The following CNBD2 variants were observed in gnomAD, a reference collection of about 807,000 sequenced individuals.
CNBD2 encodes the protein cyclic nucleotide-binding domain-containing protein 2.
Under a neutral mutation model 63.7 loss-of-function variants are expected in CNBD2, and 64 were observed. The ratio of observed to expected loss-of-function variants is 1.00; its 90% CI spans 0.82 to 1.24. CNBD2 has a LOEUF of 1.24. Ranked by LOEUF, CNBD2 falls within the 50% of genes most tolerant of loss-of-function variation. The pLI, the probability that CNBD2 is intolerant of heterozygous loss-of-function variation, is 0.00. For missense variants in CNBD2, 691 were observed against 713.5 expected, an observed-to-expected ratio of 0.97 and a Z score of 0.36; for synonymous variants, 229 against 255.4, an observed-to-expected ratio of 0.90 and a Z score of 0.99.
At chr20:36,013,504 TA>T (rs1454849689) in intron 10 of CNBD2, among the ~76,000 whole-genome samples, 2 of 152,196 alleles carry the variant, frequency 1.3e-5, no homozygotes, top group African/African-American at 4.8e-5. Flanking sequence ...CTAACCATTA[TA>T]AATGTATGAA....
chr20:35,995,648 A>AT (rs556041361), intron 8 of CNBD2, among the ~76,000 whole-genome samples: 9 of 151,682 alleles, frequency 5.9e-5, no homozygotes, highest in South Asian at 2.1e-4. Flanking sequence ...CATATACCAC[A>AT]TTTTTTTTGT....
intron 8 of CNBD2, among the ~76,000 whole-genome samples, chr20:36,001,663 T>G (rs1383457069): frequency 8.2e-5 from 9 of 109,204 alleles, no homozygotes; most frequent in East Asian, 2.9e-4. Context: ...AGGCGGAGGG[T>G]CTCCTCACTT....
At chr20:36,005,614 G>A (rs2056973347) in intron 8 of CNBD2, among the ~76,000 whole-genome samples, 1 of 152,048 alleles carries the variant, frequency 6.6e-6, no homozygotes. Context: ...GTTTTGTTAA[G>A]CCAGACCTAC....
At chr20:35,993,209 A>T (rs192368448) in intron 7 of CNBD2, among the ~76,000 whole-genome samples, 119 of 152,298 alleles carry the variant, frequency 7.8e-4, no homozygotes, top group Middle Eastern at 3.4e-3. Context: ...AGCTTCATAA[A>T]TTTTTATATA....
intron 10 of CNBD2, among the ~76,000 whole-genome samples, chr20:36,021,190 T>A (rs1362313149): frequency 6.6e-6 from 1 of 152,084 alleles, no homozygotes; most frequent in Non-Finnish European, 1.5e-5. Flanking sequence ...ATAAGGAAAA[T>A]GTGGGACATA....
chr20:36,004,332 A>C (rs1262863415), intron 8 of CNBD2, among the ~76,000 whole-genome samples: 3 of 152,118 alleles, frequency 2.0e-5, no homozygotes, highest in African/African-American at 7.2e-5. Context: ...TTCTGTCTCT[A>C]TGCAGCTCTC....
At position 35,968,646 on chromosome 20, in the gene CNBD2, C is replaced by A. The variant is rs2056368572; in HGVS notation, c.-117C>A. 1.4e-6 allele frequency: 1 copy of A among 705,372 alleles called. No homozygotes were observed. The highest frequency in any genetic ancestry group is 2.5e-6 in the Non-Finnish European group (1 of 407,696). 43.7% of individuals were successfully genotyped at this position (705,372 alleles called of 1,614,324 possible). On this transcript the variant is annotated 5_prime_UTR_variant, in exon 1 of 12. An upstream open reading frame in the 5' UTR gains an earlier in-frame stop. Coordinates refer to ENST00000373973, the MANE Select transcript of CNBD2 (RefSeq NM_001365709.1). ...TAGGAGGAGTGGAGTGGAGCTCTTG[C>A]CTTGTTACTGAGGAAATCTATTTGT...
chr20:35,959,063 A>G (rs1041356970), downstream of CNBD2: 1 of 152,212 alleles, frequency 6.6e-6, no homozygotes, highest in Non-Finnish European at 1.5e-5. Context: ...AGCTGTTACA[A>G]ATAGAACTGC....
chr20:36,023,195 A>G (rs1266075170), intron 10 of CNBD2, among the ~76,000 whole-genome samples: 3 of 151,872 alleles, frequency 2.0e-5, no homozygotes, highest in Non-Finnish European at 4.4e-5. Context: ...AGATAAATTC[A>G]CCTCCTGTTT....
intron 11 of CNBD2, among the ~76,000 whole-genome samples, chr20:36,026,728 C>G (rs964832452): frequency 6.6e-6 from 1 of 152,240 alleles, no homozygotes; most frequent in Admixed American, 6.5e-5. Flanking sequence ...CCTGCTCATT[C>G]TCTAAGATTC....
At chr20:36,024,087 G>T (rs1468571866) in intron 11 of CNBD2, among the ~76,000 whole-genome samples, 1 of 152,244 alleles carries the variant, frequency 6.6e-6, no homozygotes, top group African/African-American at 2.4e-5. Flanking sequence ...TATAATCCCA[G>T]CACTTTGGGA....
rs756430691 is a variant in CNBD2 at position 36,008,388 on chromosome 20, A to G, written c.1062A>G (p.Lys354=). 6.2e-7 allele frequency: 1 copy of G among 1,614,014 alleles called. No individual in the cohort carries two copies. Residue 354 remains lysine (K), a synonymous_variant, in exon 9 of 12, where the codon AAA becomes AAG. Coordinates refer to ENST00000373973, the MANE Select transcript of CNBD2 (RefSeq NM_001365709.1). ...FSSLKLPHLK[K]AWGLQGTSFS... ...CCTTGAAACTTCCACATCTCAAAAA[A>G]GCCTGGGGGCTACAGGGGACAAGCT...
At chr20:36,021,163 C>T (rs767947164) in intron 10 of CNBD2, among the ~76,000 whole-genome samples, 83 of 152,086 alleles carry the variant, frequency 5.5e-4, no homozygotes, top group Non-Finnish European at 9.6e-4. Flanking sequence ...TCTAAGTGTC[C>T]GTTAACAGAT....
intron 6 of CNBD2, among the ~76,000 whole-genome samples, chr20:35,986,813 G>C (rs965467398): frequency 6.6e-6 from 1 of 152,212 alleles, no homozygotes. Flanking sequence ...GCCTGTGAAC[G>C]TGGTGTTCAA....
chr20:35,979,297 C>T (rs1033505378), intron 3 of CNBD2, among the ~76,000 whole-genome samples: 6 of 152,200 alleles, frequency 3.9e-5, no homozygotes, highest in Non-Finnish European at 8.8e-5. Flanking sequence ...CCCAGCCTGC[C>T]ATTGAGGAGC....
chr20:35,956,929 G>A (rs2056262274), downstream of CNBD2, among the ~76,000 whole-genome samples: 1 of 152,240 alleles, frequency 6.6e-6, no homozygotes, highest in Non-Finnish European at 1.5e-5. Context: ...AAGTGGTTGG[G>A]ATCTGGAGAA....
chr20:35,986,747 G>A (rs1332426913), intron 6 of CNBD2, among the ~76,000 whole-genome samples: 1 of 152,230 alleles, frequency 6.6e-6, no homozygotes, highest in Non-Finnish European at 1.5e-5. Flanking sequence ...TGTTGGAGGT[G>A]AGAAAATCTG....
intron 8 of CNBD2, among the ~76,000 whole-genome samples, chr20:35,996,134 C>T (rs1184724827): frequency 1.3e-5 from 2 of 152,204 alleles, no homozygotes. Context: ...AAGTACCATT[C>T]AAGTACTCTT....
At chr20:36,014,478 C>A (rs1031006510) in intron 10 of CNBD2, among the ~76,000 whole-genome samples, 1 of 151,286 alleles carries the variant, frequency 6.6e-6, no homozygotes, top group African/African-American at 2.4e-5. Flanking sequence ...TACAGGCACA[C>A]GCCGCCATGC....
Sources: allele counts gnomAD v4.1 joint callset (sites outside exome capture counted in the v4.1 genomes callset), GRCh38; gene constraint gnomAD v4.1.1; transcripts MANE v1.5; gene names NCBI Gene and HGNC (gene_info 2026-07-23, HGNC 2026-07-21).